Variants in OR1J2 observed in about 807,000 individuals in gnomAD.
OR1J2 encodes olfactory receptor 1J2.
For missense variants in OR1J2, 304 were observed against 246.1 expected, an observed-to-expected ratio of 1.24 and a Z score of -1.57; for synonymous variants, 142 against 99.7, an observed-to-expected ratio of 1.42 and a Z score of -2.52.
At chr9:122,505,004 C>T in the OR1J2 span, among the ~76,000 whole-genome samples, 5 of 152,062 alleles carry the variant, frequency 3.3e-5, no homozygotes, top group Non-Finnish European at 7.4e-5. Context: ...TAACCGTCTT[C>T]CCTGGGTTTT....
At chr9:122,579,415 G>A in the OR1J2 span, among the ~76,000 whole-genome samples, 1 of 152,222 alleles carries the variant, frequency 6.6e-6, no homozygotes, top group Admixed American at 6.5e-5. Flanking sequence ...TTGCTTTGGA[G>A]ATAAAGTCGC....
the OR1J2 span, among the ~76,000 whole-genome samples, chr9:122,537,490 C>T: frequency 6.6e-6 from 1 of 152,142 alleles, no homozygotes; most frequent in Non-Finnish European, 1.5e-5. Flanking sequence ...TCACTTCCAG[C>T]CTTACTCTTT....
At chr9:122,535,863 G>A in the OR1J2 span, among the ~76,000 whole-genome samples, 1 of 152,136 alleles carries the variant, frequency 6.6e-6, no homozygotes, top group African/African-American at 2.4e-5. Flanking sequence ...AGGGAGATAG[G>A]GGTGGGGCCG....
chr9:122,554,301 AAG>A, the OR1J2 span: 1 of 659,282 alleles, frequency 1.5e-6, no homozygotes, highest in Non-Finnish European at 2.5e-6. Flanking sequence ...AAAAAAAAAA[AAG>A]AGTGTTTCAT....
the OR1J2 span, among the ~76,000 whole-genome samples, chr9:122,520,632 A>C: frequency 6.6e-6 from 1 of 152,222 alleles, no homozygotes; most frequent in Non-Finnish European, 1.5e-5. Context: ...GTTCACTTTC[A>C]GACCAATGTT....
At chr9:122,501,496 C>A in the OR1J2 span, among the ~76,000 whole-genome samples, 2 of 152,150 alleles carry the variant, frequency 1.3e-5, no homozygotes, top group African/African-American at 4.8e-5. Flanking sequence ...CTCAAAATAA[C>A]CTTCAGCCAA....
rs554528163 is a variant in OR1J2, at chr9:122,511,087, G to A, written c.286G>A (p.Glu96Lys). 2.6e-6 allele frequency: 3 copies of A among 1,144,416 alleles called. No individual in the cohort carries two copies. The highest frequency in any genetic ancestry group is 3.9e-6 in the Non-Finnish European group (3 of 776,604). 70.9% of individuals were successfully genotyped at this position (1,144,416 alleles called of 1,614,324 possible). A position where few individuals can be genotyped will look rare whatever the true frequency, so the allele number is the denominator to read the frequency against. ...RTKYKSILYE[E>K]CISQMYFFIF... ...TAAGTACAAATCGATCCTCTATGAG[G>A]AATGCATTTCTCAGATGTATTTTTT... Residue 96 changes from glutamate (E) to lysine (K), a missense_variant, in exon 1 of 1, where the codon GAA becomes AAA. Physicochemically the swap from Glu to Lys is moderately conservative, Grantham distance 56. Transcript: ENST00000335302.
At chr9:122,483,138 C>A in the OR1J2 span, among the ~76,000 whole-genome samples, 1 of 152,058 alleles carries the variant, frequency 6.6e-6, no homozygotes, top group Non-Finnish European at 1.5e-5. Context: ...GTCAATTAAG[C>A]ATAAATAAAA....
the OR1J2 span, chr9:122,477,641 C>A: frequency 6.2e-7 from 1 of 1,614,136 alleles, no homozygotes; most frequent in Non-Finnish European, 8.5e-7. Context: ...GAAATGCATC[C>A]CTTGTAAAAG....
the OR1J2 span, among the ~76,000 whole-genome samples, chr9:122,463,888 G>A: frequency 2.0e-5 from 3 of 152,196 alleles, no homozygotes; most frequent in Non-Finnish European, 4.4e-5. Context: ...AAGTGTGCTG[G>A]TTTTGTGTGG....
chr9:122,528,449 T>G, the OR1J2 span, among the ~76,000 whole-genome samples: 1 of 152,160 alleles, frequency 6.6e-6, no homozygotes, highest in Non-Finnish European at 1.5e-5. Context: ...AATACAAAAA[T>G]TAGCCGGGTG....
chr9:122,459,472 A>G, the OR1J2 span, among the ~76,000 whole-genome samples: 3 of 152,198 alleles, frequency 2.0e-5, no homozygotes, highest in South Asian at 6.2e-4. Flanking sequence ...ATATTCACCA[A>G]TGAACCAGTG....
the OR1J2 span, among the ~76,000 whole-genome samples, chr9:122,459,449 G>C: frequency 6.6e-6 from 1 of 152,162 alleles, no homozygotes. Flanking sequence ...AAGGACACTT[G>C]CCCAGTAATG....
At chr9:122,568,422 G>A in the OR1J2 span, 1 of 1,613,050 alleles carries the variant, frequency 6.2e-7, no homozygotes, top group South Asian at 1.1e-5. Flanking sequence ...AGGCCGGGAG[G>A]AGAGTCCCAG....
chr9:122,577,785 C>A, the OR1J2 span, among the ~76,000 whole-genome samples: 3,841 of 152,250 alleles, frequency 0.025, 112 homozygotes, highest in African/African-American at 0.068. Context: ...GAAAGTGGTA[C>A]AAACATATCT....
At chr9:122,464,040 G>C in the OR1J2 span, among the ~76,000 whole-genome samples, 1 of 152,226 alleles carries the variant, frequency 6.6e-6, no homozygotes, top group African/African-American at 2.4e-5. Flanking sequence ...TACCAGGTCA[G>C]CTAGAGAAAG....
the OR1J2 span, chr9:122,477,669 C>T: frequency 6.2e-7 from 1 of 1,614,190 alleles, no homozygotes; most frequent in Admixed American, 1.7e-5. Context: ...GGTGCTGAGT[C>T]TGCATGTTCA....
At chr9:122,519,625 T>C in the OR1J2 span, 12 of 1,614,014 alleles carry the variant, frequency 7.4e-6, no homozygotes, top group African/African-American at 4.0e-5. Context: ...CACACTCTCC[T>C]CCTGGCCCAG....
the OR1J2 span, among the ~76,000 whole-genome samples, chr9:122,463,901 C>T: frequency 1.9e-4 from 29 of 152,284 alleles, 1 homozygote; most frequent in African/African-American, 6.7e-4. Flanking sequence ...TTGTGTGGAC[C>T]TCCAGCCAGG....
Sources: allele counts gnomAD v4.1 joint callset (sites outside exome capture counted in the v4.1 genomes callset), GRCh38; gene constraint gnomAD v4.1.1; transcripts MANE v1.5; gene names NCBI Gene and HGNC (gene_info 2026-07-23, HGNC 2026-07-21).